Variants in KIF26B observed in about 807,000 individuals in gnomAD.
KIF26B encodes the protein kinesin-like protein KIF26B.
Under a neutral mutation model 151.2 loss-of-function variants are expected in KIF26B, and 63 were observed. The observed-to-expected ratio is 0.42, with a 90% confidence interval of 0.34 to 0.51. The LOEUF is 0.51. Among genes scored for constraint, KIF26B ranks in the 20% least tolerant of loss-of-function variants. The pLI, the probability that KIF26B is intolerant of heterozygous loss-of-function variation, is 0.07. For synonymous variants in KIF26B, 1,357 were observed against 1,262.1 expected, an observed-to-expected ratio of 1.08 and a Z score of -1.59; for missense variants, 2,813 against 2,913.6, an observed-to-expected ratio of 0.97 and a Z score of 0.79.
intron 2 of KIF26B, among the ~76,000 whole-genome samples, chr1:245,304,017 C>T (rs560549956): frequency 1.8e-4 from 28 of 152,320 alleles, no homozygotes; most frequent in African/African-American, 6.5e-4. Context: ...CCTGCTTCAA[C>T]GAGGATCCCA....
intron 4 of KIF26B, among the ~76,000 whole-genome samples, chr1:245,513,282 T>A (rs1660877206): frequency 2.1e-5 from 3 of 143,722 alleles, no homozygotes; most frequent in Middle Eastern, 3.4e-3. Context: ...TTTTTAGCAG[T>A]GAATGAGCAA....
intron 10 of KIF26B, among the ~76,000 whole-genome samples, chr1:245,647,023 C>G (rs1423123232): frequency 2.0e-5 from 3 of 152,240 alleles, no homozygotes; most frequent in African/African-American, 4.8e-5. Context: ...CAAGGCCTAG[C>G]TGAGCCTCTT....
chr1:245,203,257 A>AAAAAAAAGAG (rs1351693937), intron 2 of KIF26B, among the ~76,000 whole-genome samples: 3 of 150,878 alleles, frequency 2.0e-5, no homozygotes, highest in Non-Finnish European at 4.4e-5. Context: ...AAAAAAAAAA[A>AAAAAAAAGAG]AAGAAAATGA....
At position 245,679,440 on chromosome 1, in the gene KIF26B, GTGTTTTTTT is replaced by G. The variant is rs1400642905; in HGVS notation, c.2259-4789_2259-4781del. On this transcript the variant is annotated intron_variant, in intron 10 of 14. Coordinates refer to ENST00000407071, the MANE Select transcript of KIF26B (RefSeq NM_018012.4). ...TTTTCTAAAAATCTGGGGGTTTTTT[GTGTTTTTTT>G]TGTGTGTGTTTTTTTTTTTTTTTTT... 4.8e-5 allele frequency among the ~76,000 whole-genome samples: 4 copies of G among 83,216 alleles called. No individual in the cohort carries two copies. In the East Asian group the frequency reaches 1.1e-3, roughly 23 times the overall value. The allele number at this position is 83,216 out of a possible 152,430, so 54.6% of individuals were successfully genotyped here.
chr1:245,688,741 G>A lies in KIF26B; in HGVS notation c.5758G>A (p.Glu1920Lys), dbSNP rs774653307. The change falls in exon 12 of 15, where the codon GAG becomes AAG. Residue 1920 changes from glutamate to lysine, a missense_variant. Glu to Lys is a moderately conservative substitution (Grantham distance 56). Around this residue, in one of 3 missense-constraint regions of KIF26B, gnomAD observed 2,060 missense variants for 2,088.6 expected, o/e 0.99. Coordinates refer to ENST00000407071, the MANE Select transcript of KIF26B (RefSeq NM_018012.4). ...SASSAQDSTS[E>K]NSSSVGGRCR... is the part of the protein sequence containing the mutation. ...GTCCTCGGCGCAGGACTCCACGAGC[G>A]AGAACAGCAGCTCCGTGGGCGGCAG... 3 of 1,606,114 alleles carry A rather than the reference G, an allele frequency of 1.9e-6. No individual in the cohort carries two copies. Among genetic ancestry groups the A allele is most frequent in the East Asian group, 2.2e-5 (1 of 44,642 alleles).
At chr1:245,439,023 T>A (rs1659000224) in intron 4 of KIF26B, among the ~76,000 whole-genome samples, 2 of 152,028 alleles carry the variant, frequency 1.3e-5, no homozygotes, top group Non-Finnish European at 2.9e-5. Flanking sequence ...AAGTGTGCAG[T>A]TTATTATATA....
At chr1:245,267,629 G>T (rs1263382107) in intron 2 of KIF26B, among the ~76,000 whole-genome samples, 1 of 125,172 alleles carries the variant, frequency 8.0e-6, no homozygotes, top group African/African-American at 2.9e-5. Context: ...CGACAGCTAA[G>T]TAATGCACAC....
At chr1:245,233,523 T>C (rs536914448) in intron 2 of KIF26B, among the ~76,000 whole-genome samples, 24 of 152,310 alleles carry the variant, frequency 1.6e-4, no homozygotes, top group Admixed American at 1.0e-3. Context: ...AGAATTCTCA[T>C]TGTATGAAGA....
Position 245,629,693 on chromosome 1 carries a change from T to C in KIF26B, c.2099-16428T>C, listed in dbSNP as rs117652175. 5.5e-4 allele frequency among the ~76,000 whole-genome samples: 83 copies of C among 152,192 alleles called. 1 individual carries two copies. In the East Asian group the frequency reaches 9.5e-3, roughly 17 times the overall value. On this transcript the variant is annotated intron_variant, in intron 9 of 14. Coordinates refer to ENST00000407071, the MANE Select transcript of KIF26B (RefSeq NM_018012.4). ...CAGGACATAGGCAGAGGCAAAGACT[T>C]CATGAAGAAAACACCAAAAGCAATT...
intron 2 of KIF26B, among the ~76,000 whole-genome samples, chr1:245,207,579 A>T (rs1473876831): frequency 6.6e-6 from 1 of 152,204 alleles, no homozygotes; most frequent in Non-Finnish European, 1.5e-5. Flanking sequence ...AGTTGGTTTC[A>T]TCTTCATACT....
intron 2 of KIF26B, among the ~76,000 whole-genome samples, chr1:245,162,940 A>G (rs1668556967): frequency 6.6e-6 from 1 of 152,234 alleles, no homozygotes; most frequent in African/African-American, 2.4e-5. Flanking sequence ...TTAGATCTCT[A>G]ATCCATTGAG....
chr1:245,692,277 C>T (rs2147962681), intron 12 of KIF26B, among the ~76,000 whole-genome samples: 1 of 152,166 alleles, frequency 6.6e-6, no homozygotes, highest in South Asian at 2.1e-4. Flanking sequence ...AGTTTGTAAT[C>T]TAATTGGAGA....
rs1286300935 is a variant in KIF26B, at chr1:245,179,132, TA to T, written c.465+22450del. 2.0e-5 allele frequency among the ~76,000 whole-genome samples: 3 copies of T among 152,258 alleles called. No homozygotes were observed. The East Asian group carries it at 5.8e-4, about 29-fold the overall frequency. On this transcript the variant is annotated intron_variant, in intron 2 of 14. Coordinates refer to ENST00000407071, the MANE Select transcript of KIF26B (RefSeq NM_018012.4). Reference sequence around the variant, plus strand: ...CCCCTGTCTTTGTGAAAGCAGCAAATAGTTCTCTTGGCTCCCATTTCCCCCT... The same window carrying T: ...CCCCTGTCTTTGTGAAAGCAGCAAATGTTCTCTTGGCTCCCATTTCCCCCT...
chr1:245,377,669 A>G (rs1673308984), intron 3 of KIF26B, among the ~76,000 whole-genome samples: 1 of 152,252 alleles, frequency 6.6e-6, no homozygotes, highest in Non-Finnish European at 1.5e-5. Flanking sequence ...ATAGATAAAT[A>G]AAAAGAAGAA....
chr1:245,184,623 T>C (rs1055789974), intron 2 of KIF26B, among the ~76,000 whole-genome samples: 47 of 152,214 alleles, frequency 3.1e-4, no homozygotes, highest in African/African-American at 1.1e-3. Flanking sequence ...AAAATCTGAA[T>C]TTATGCAACA....
intron 4 of KIF26B, among the ~76,000 whole-genome samples, chr1:245,521,324 G>A (rs1661102384): frequency 6.8e-6 from 1 of 147,820 alleles, no homozygotes; most frequent in Non-Finnish European, 1.5e-5. Flanking sequence ...CTGAGTGACA[G>A]AGCGAGACTC....
rs559829980 is a variant in KIF26B, at chr1:245,477,214, A to G, written c.1166+57469A>G. Among the ~76,000 whole-genome samples the G allele has an allele frequency of 1.3e-3, 195 of 152,034 alleles. 5 individuals carry two copies. The highest frequency in any genetic ancestry group is 1.9e-3 in the Non-Finnish European group (126 of 67,846). ...GCTCAGCCCCATTTCTCTTTTCTAAATAAAAAACACTTGGTTCTAAATCCT... is the reference window on the plus strand; with the variant it reads ...GCTCAGCCCCATTTCTCTTTTCTAAGTAAAAAACACTTGGTTCTAAATCCT... On this transcript the variant is annotated intron_variant, in intron 4 of 14. Transcript: ENST00000407071.
intron 2 of KIF26B, among the ~76,000 whole-genome samples, chr1:245,243,728 G>A (rs1489546553): frequency 2.0e-5 from 3 of 152,114 alleles, no homozygotes; most frequent in African/African-American, 4.8e-5. Flanking sequence ...GCACACGCCT[G>A]TAGTCCCAGT....
Position 245,601,212 on chromosome 1 carries a change from G to A in KIF26B, c.1351-1365G>A, listed in dbSNP as rs1021177139. ...GGGACACTGGCTTCCGGATCTCCAC[G>A]GAGAACTGTTCTTAAGTTAGAAGGC... On this transcript the variant is annotated intron_variant, in intron 5 of 14. Coordinates refer to ENST00000407071, the MANE Select transcript of KIF26B (RefSeq NM_018012.4). The surrounding 1 kb of genome is among the most constrained non-coding windows in gnomAD (Gnocchi z 4.4). 2.0e-4 allele frequency among the ~76,000 whole-genome samples: 30 copies of A among 150,756 alleles called. No homozygotes were observed. Among genetic ancestry groups the A allele is most frequent in the Non-Finnish European group, 3.4e-4 (23 of 67,994 alleles).
Sources: allele counts gnomAD v4.1 joint callset (sites outside exome capture counted in the v4.1 genomes callset), GRCh38; gene constraint gnomAD v4.1.1; regional missense constraint gnomAD v4.1.1; non-coding constraint Gnocchi (gnomAD v3.1); transcripts MANE v1.5; gene names NCBI Gene and HGNC (gene_info 2026-07-23, HGNC 2026-07-21).